Variants in RB1 observed in about 807,000 individuals in gnomAD.
The protein encoded by RB1 is RB transcriptional corepressor 1.
RB1 carries 18 observed loss-of-function variants against 135.4 expected under a neutral mutation model. That is an observed-to-expected ratio of 0.13 (90% CI 0.09 to 0.20). The LOEUF is 0.20. Ranked by LOEUF, RB1 falls within the 10% of genes least tolerant of loss-of-function variation. The pLI is 1.00. For synonymous variants in RB1, 365 were observed against 373.2 expected (o/e 0.98, Z 0.25); for missense variants, 868 against 1,110.0 (o/e 0.78, Z 3.10).
intron 17 of RB1, among the ~76,000 whole-genome samples, chr13:48,399,317 G>C (rs905799942): frequency 6.6e-6 from 1 of 151,524 alleles, no homozygotes; most frequent in Non-Finnish European, 1.5e-5. Context: ...GACAAAGAAG[G>C]GAAAATAAAA....
intron 17 of RB1, chr13:48,406,488 T>C (rs1458819636): frequency 6.6e-6 from 1 of 152,218 alleles, no homozygotes; most frequent in Non-Finnish European, 1.5e-5. Flanking sequence ...ATTTTTCTTT[T>C]CTTGCTGAAG....
intron 17 of RB1, among the ~76,000 whole-genome samples, chr13:48,426,193 A>G (rs1445021339): frequency 6.6e-6 from 1 of 152,224 alleles, no homozygotes; most frequent in African/African-American, 2.4e-5. Context: ...ATAAAATGAA[A>G]TGAAAACATA....
intron 17 of RB1, among the ~76,000 whole-genome samples, chr13:48,448,637 A>G (rs561580415): frequency 6.6e-6 from 1 of 152,368 alleles, no homozygotes; most frequent in East Asian, 1.9e-4. Flanking sequence ...GGAAAAGAGT[A>G]AAGTTAAGAA....
chr13:48,305,540 A>G (rs972812092), intron 1 of RB1, among the ~76,000 whole-genome samples: 1 of 152,206 alleles, frequency 6.6e-6, no homozygotes, highest in Non-Finnish European at 1.5e-5. Context: ...GCATACTCTA[A>G]TGTAGGGTAA....
chr13:48,367,303 G>A (rs1385334512), intron 9 of RB1, among the ~76,000 whole-genome samples, 191 bp from the exon 10 acceptor site: 2 of 152,016 alleles, frequency 1.3e-5, no homozygotes, highest in African/African-American at 4.8e-5. Context: ...TAAAATCAAA[G>A]TTGAACAAAT....
chr13:48,316,829 C>T, intron 2 of RB1: 2 of 282,730 alleles, frequency 7.1e-6, no homozygotes, highest in South Asian at 6.7e-5. Flanking sequence ...GCACGCAAAC[C>T]GGGACGCAAA....
chr13:48,395,182 A>G (rs1279860344), intron 17 of RB1, among the ~76,000 whole-genome samples: 2 of 152,210 alleles, frequency 1.3e-5, no homozygotes, highest in Admixed American at 6.5e-5. Context: ...GAACTAACAA[A>G]CAGAAATGAA....
At chr13:48,449,238 A>G (rs907510865) in intron 17 of RB1, among the ~76,000 whole-genome samples, 1 of 152,180 alleles carries the variant, frequency 6.6e-6, no homozygotes. Context: ...TGCCACTCAT[A>G]TAAAAGAGTA....
intron 17 of RB1, among the ~76,000 whole-genome samples, chr13:48,435,835 C>T (rs1003622546): frequency 2.6e-5 from 4 of 151,950 alleles, no homozygotes; most frequent in African/African-American, 7.3e-5. Flanking sequence ...TATTGATTTG[C>T]TTTTGTATCT....
intron 2 of RB1, among the ~76,000 whole-genome samples, chr13:48,313,283 T>TC (rs1470830781): frequency 6.6e-6 from 1 of 152,002 alleles, no homozygotes; most frequent in Non-Finnish European, 1.5e-5. Context: ...TGCAGACTTT[T>TC]CCCCCCATTC....
chr13:48,367,734 A>C, intron 10 of RB1, 131 bp downstream of exon 10: 1 of 1,088,610 alleles, frequency 9.2e-7, no homozygotes, highest in East Asian at 2.7e-5. Context: ...ATGTCTTTAT[A>C]CAAAGAAAAG....
chr13:48,481,591 A>T lies in RB1; in HGVS notation c.*1520A>T. 4.3e-6 allele frequency: 1 copy of T among 230,840 alleles called. No homozygotes were observed. Among genetic ancestry groups the T allele is most frequent in the Non-Finnish European group, 8.6e-6 (1 of 116,370 alleles). 14.3% of individuals were successfully genotyped at this position (230,840 alleles called of 1,614,324 possible). ...CAGTTATTTTGATAACAATGACACT[A>T]GAAAACTTGACTCCATTTCATCATT... is the stretch of plus-strand genomic sequence containing the variant. On this transcript the variant is annotated 3_prime_UTR_variant, in exon 27 of 27. Transcript: ENST00000267163.
intron 17 of RB1, among the ~76,000 whole-genome samples, chr13:48,396,051 C>T (rs920189947): frequency 1.3e-5 from 2 of 152,048 alleles, no homozygotes; most frequent in Non-Finnish European, 2.9e-5. Flanking sequence ...AAAATTATAG[C>T]GTGAAAATGG....
intron 19 of RB1, among the ~76,000 whole-genome samples, chr13:48,457,240 T>G (rs1949366278): frequency 6.6e-6 from 1 of 152,124 alleles, no homozygotes; most frequent in Non-Finnish European, 1.5e-5. Context: ...GCAGAGAAGG[T>G]AGCTCCTCTC....
rs1949536308 is a variant in RB1 at position 48,481,132 on chromosome 13, A to C, written c.*1061A>C. 8.7e-6 allele frequency: 2 copies of C among 230,778 alleles called. No individual in the cohort carries two copies. Among genetic ancestry groups the C allele is most frequent in the Non-Finnish European group, 1.7e-5 (2 of 116,398 alleles). The allele number at this position is 230,778 out of a possible 1,614,324, so 14.3% of individuals were successfully genotyped here. A position where few individuals can be genotyped will look rare whatever the true frequency, so the allele number is the denominator to read the frequency against. The stretch of plus-strand genomic sequence containing the variant: ...GTTTGTGTTTTCTCTGGAATGGTAC[A>C]TGTCTTCCATGTATCTTTTGAACTG... On this transcript the variant is annotated 3_prime_UTR_variant, in exon 27 of 27. Transcript: ENST00000267163.
At chr13:48,384,385 G>C (rs1044329999) in intron 17 of RB1, among the ~76,000 whole-genome samples, 2 of 152,098 alleles carry the variant, frequency 1.3e-5, no homozygotes, top group African/African-American at 4.8e-5. Context: ...TTTCCTGTGA[G>C]AATAATTGAC....
intron 7 of RB1, among the ~76,000 whole-genome samples, chr13:48,361,249 A>G (rs1282806465): frequency 2.0e-5 from 3 of 152,104 alleles, no homozygotes; most frequent in Admixed American, 2.0e-4. Flanking sequence ...GGATAATTCA[A>G]ATGTACATGT....
At chr13:48,379,994 A>G (rs1262627127) in intron 14 of RB1, 59 bp from the exon 15 acceptor site, 2 of 995,928 alleles carry the variant, frequency 2.0e-6, no homozygotes, top group Non-Finnish European at 2.8e-6. Context: ...TTCAATGCTG[A>G]CACAAATAAG....
intron 2 of RB1, chr13:48,318,275 CG>C: frequency 1.0e-6 from 1 of 990,326 alleles, no homozygotes; most frequent in Non-Finnish European, 1.5e-6. Context: ...TCCAGTCTCT[CG>C]GGAGCCCGCC....
Sources: gnomAD v4.1 joint callset for allele counts (sites outside exome capture counted in the v4.1 genomes callset) on GRCh38, gnomAD v4.1.1 for gene constraint, MANE v1.5 for transcripts, NCBI Gene and HGNC (gene_info 2026-07-23, HGNC 2026-07-21) for gene names.